The following SLC44A5 variants were observed in gnomAD, a reference collection of about 807,000 sequenced individuals.
SLC44A5 encodes the protein choline transporter-like protein 5.
SLC44A5 carries 57 observed loss-of-function variants against 101.8 expected under a neutral mutation model. The ratio of observed to expected loss-of-function variants is 0.56; its 90% CI spans 0.45 to 0.70. The LOEUF (loss-of-function observed/expected upper bound fraction) is 0.70, where lower values mean the gene tolerates loss of function less well. Among genes scored for constraint, SLC44A5 ranks in the 30% least tolerant of loss-of-function variants. The probability of loss-of-function intolerance (pLI) is 0.00; values close to 1 mark genes in which losing one functional copy is unlikely to be tolerated. For synonymous variants in SLC44A5, 281 were observed against 290.9 expected (o/e 0.97, Z 0.35); for missense variants, 737 against 853.1 (o/e 0.86, Z 1.70).
chr1:75,573,175 C>T (rs1476080448), intron 1 of SLC44A5, among the ~76,000 whole-genome samples: 1 of 101,608 alleles, frequency 9.8e-6, no homozygotes, highest in Non-Finnish European at 2.0e-5. Context: ...TATAAAGGTA[C>T]TAAAGCAAGA....
At chr1:75,631,654 A>T in the SLC44A5 span, among the ~76,000 whole-genome samples, 1 of 145,092 alleles carries the variant, frequency 6.9e-6, no homozygotes, top group Non-Finnish European at 1.5e-5. Context: ...CTCCTGCCTC[A>T]GCCTCCCGAG....
chr1:75,351,607 G>A (rs1240188323), intron 3 of SLC44A5, among the ~76,000 whole-genome samples: 1 of 152,152 alleles, frequency 6.6e-6, no homozygotes, highest in Admixed American at 6.6e-5. Flanking sequence ...ACTGGTATCA[G>A]TAAATGAGTT....
At chr1:75,493,171 G>T (rs1357152264) in intron 2 of SLC44A5, among the ~76,000 whole-genome samples, 1 of 152,136 alleles carries the variant, frequency 6.6e-6, no homozygotes, top group African/African-American at 2.4e-5. Context: ...AATTAGTTGA[G>T]TTAATAAAGC....
chr1:75,670,008 A>T, the SLC44A5 span, among the ~76,000 whole-genome samples: 2 of 152,246 alleles, frequency 1.3e-5, no homozygotes, highest in Non-Finnish European at 2.9e-5. Context: ...CACTTACTAT[A>T]CAAATTAGAA....
At chr1:75,719,091 G>C in the SLC44A5 span, among the ~76,000 whole-genome samples, 2 of 152,098 alleles carry the variant, frequency 1.3e-5, no homozygotes, top group African/African-American at 4.8e-5. Flanking sequence ...TGACTGCAGA[G>C]AGCCAATAAA....
At chr1:75,569,030 G>C (rs1292702379) in intron 1 of SLC44A5, among the ~76,000 whole-genome samples, 1 of 152,054 alleles carries the variant, frequency 6.6e-6, no homozygotes. Flanking sequence ...GGCTTCTCCT[G>C]AGTGAACCAT....
chr1:75,643,127 G>A, the SLC44A5 span, among the ~76,000 whole-genome samples: 1 of 151,908 alleles, frequency 6.6e-6, no homozygotes, highest in African/African-American at 2.4e-5. Flanking sequence ...AACCATCTTT[G>A]GAAAGATTTG....
chr1:75,388,646 G>T (rs1472275116), intron 3 of SLC44A5, among the ~76,000 whole-genome samples: 1 of 152,088 alleles, frequency 6.6e-6, no homozygotes, highest in Non-Finnish European at 1.5e-5. Flanking sequence ...AGGCGTGGTG[G>T]CGGGCGCCTG....
chr1:75,501,289 T>C (rs1238344795), intron 2 of SLC44A5, among the ~76,000 whole-genome samples: 1 of 152,162 alleles, frequency 6.6e-6, no homozygotes, highest in East Asian at 1.9e-4. Flanking sequence ...TCTCCAGGAA[T>C]TATTTCCCTC....
At chr1:75,425,046 C>A (rs1202029024) in intron 2 of SLC44A5, among the ~76,000 whole-genome samples, 1 of 152,172 alleles carries the variant, frequency 6.6e-6, no homozygotes, top group African/African-American at 2.4e-5. Context: ...AAATATTTCA[C>A]CTTCTTTTTC....
intron 2 of SLC44A5, among the ~76,000 whole-genome samples, chr1:75,512,803 G>C (rs1424307786): frequency 6.7e-6 from 1 of 148,304 alleles, no homozygotes; most frequent in Non-Finnish European, 1.5e-5. Context: ...AGAGGGATGG[G>C]AAAGAAATAG....
the SLC44A5 span, among the ~76,000 whole-genome samples, chr1:75,717,236 T>G: frequency 6.8e-6 from 1 of 147,250 alleles, no homozygotes; most frequent in African/African-American, 2.5e-5. Flanking sequence ...AGCTACTCCG[T>G]AGGCTGAGGC....
At chr1:75,495,376 A>T (rs761244345) in intron 2 of SLC44A5, among the ~76,000 whole-genome samples, 6 of 151,954 alleles carry the variant, frequency 3.9e-5, no homozygotes, top group Non-Finnish European at 7.4e-5. Context: ...AATGGCGTGA[A>T]CCCAGGAGGC....
chr1:75,508,820 T>C (rs1345305175), intron 2 of SLC44A5, among the ~76,000 whole-genome samples: 2 of 152,224 alleles, frequency 1.3e-5, no homozygotes, highest in Non-Finnish European at 2.9e-5. Context: ...ATATTCTTAG[T>C]ATATTAATAT....
chr1:75,462,544 G>A (rs1015812975), intron 2 of SLC44A5, among the ~76,000 whole-genome samples: 4 of 152,030 alleles, frequency 2.6e-5, no homozygotes, highest in Admixed American at 6.6e-5. Flanking sequence ...ACTAAATAAC[G>A]CATCAGGGAC....
intron 6 of SLC44A5, among the ~76,000 whole-genome samples, chr1:75,262,990 T>C (rs1418274821): frequency 6.6e-6 from 1 of 152,154 alleles, no homozygotes; most frequent in Non-Finnish European, 1.5e-5. Flanking sequence ...CAATATGGAT[T>C]AACGACTTAA....
chr1:75,371,087 A>G (rs977798906), intron 3 of SLC44A5, among the ~76,000 whole-genome samples: 6 of 151,946 alleles, frequency 3.9e-5, no homozygotes, highest in African/African-American at 7.3e-5. Flanking sequence ...AAGGGGCTGG[A>G]CTCCAGTTTT....
At chr1:75,436,133 G>T (rs978914382) in intron 2 of SLC44A5, among the ~76,000 whole-genome samples, 1 of 152,024 alleles carries the variant, frequency 6.6e-6, no homozygotes, top group Non-Finnish European at 1.5e-5. Flanking sequence ...AGAGTAAATT[G>T]GTTTTCAAGA....
At position 75,567,532 on chromosome 1, in the gene SLC44A5, G is replaced by A. The variant is rs139083701; in HGVS notation, c.-69-26016C>T. Among the ~76,000 whole-genome samples, 865 of 152,226 alleles carry A rather than the reference G, an allele frequency of 5.7e-3. 14 individuals carry two copies. Among genetic ancestry groups the A allele is most frequent in the Admixed American group, 0.035 (532 of 15,290 alleles). On this transcript the variant is annotated intron_variant, in intron 1 of 23. Coordinates refer to ENST00000370859, the MANE Select transcript of SLC44A5 (RefSeq NM_001130058.2). ...AAGCAAAATTCATATAGGATGGCCT[G>A]GTTCAATATTGTTGGATAACAAAAG...
Sources: allele counts gnomAD v4.1 joint callset (sites outside exome capture counted in the v4.1 genomes callset), GRCh38; gene constraint gnomAD v4.1.1; transcripts MANE v1.5; gene names NCBI Gene and HGNC (gene_info 2026-07-23, HGNC 2026-07-21).